ITGAV: variants seen among roughly 807,000 people sequenced by gnomAD.
The protein encoded by ITGAV is integrin subunit alpha V.
ITGAV carries 76 observed loss-of-function variants against 143.8 expected under a neutral mutation model. The observed-to-expected ratio is 0.53, with a 90% confidence interval of 0.44 to 0.64. The LOEUF (loss-of-function observed/expected upper bound fraction) is 0.64, where lower values mean the gene tolerates loss of function less well. ITGAV is among the 30% of genes least tolerant of loss of function. ITGAV has a pLI of 0.00. For synonymous variants in ITGAV, 453 were observed against 446.7 expected (o/e 1.01, Z -0.18); for missense variants, 1,193 against 1,274.7 (o/e 0.94, Z 0.98).
intron 14 of ITGAV, among the ~76,000 whole-genome samples, chr2:186,650,748 C>T (rs61762242): frequency 0.013 from 1,952 of 152,006 alleles, 46 homozygotes; most frequent in African/African-American, 0.043. Flanking sequence ...CAGGGTCTTG[C>T]CATGTTATCT....
intron 2 of ITGAV, among the ~76,000 whole-genome samples, chr2:186,617,863 C>A (rs1204037190): frequency 6.6e-6 from 1 of 151,988 alleles, no homozygotes; most frequent in Non-Finnish European, 1.5e-5. Flanking sequence ...TTGGCTGTTG[C>A]CGGAGAAAGC....
At chr2:186,632,143 C>G (rs1196286740) in intron 5 of ITGAV, among the ~76,000 whole-genome samples, 1 of 151,872 alleles carries the variant, frequency 6.6e-6, no homozygotes, top group Non-Finnish European at 1.5e-5. Context: ...TTTTAATACT[C>G]TAAATTTCAT....
At position 186,641,409 on chromosome 2, in the gene ITGAV, C is replaced by T. The variant is rs765100125; in HGVS notation, c.980C>T (p.Ala327Val). Residue 327 changes from alanine (A) to valine (V), a missense_variant, in exon 12 of 30, where the codon GCA (alanine) becomes GTA (valine). By Grantham distance (64) the Ala-to-Val change is moderately conservative (BLOSUM62 0). Coordinates refer to ENST00000261023, the MANE Select transcript of ITGAV (RefSeq NM_002210.5). ...GDDYADVFIGAPLFMDRGSDG... is the reference protein window; with the variant it reads ...GDDYADVFIGVPLFMDRGSDG... ...AGTTATGCAGATGTGTTTATTGGAG[C>T]ACCTCTCTTCATGGATCGTGGCTCT... The T allele has an allele frequency of 6.2e-7, 1 of 1,614,026 alleles. No individual in the cohort carries two copies. Among genetic ancestry groups the T allele is most frequent in the South Asian group, 1.1e-5 (1 of 91,078 alleles).
In ITGAV at chr2:186,633,631, A is replaced by T. The variant is rs191478837; in HGVS notation, c.631+257A>T. Among the ~76,000 whole-genome samples the T allele has an allele frequency of 1.1e-3, 169 of 151,708 alleles. 1 individual carries two copies. Among genetic ancestry groups the T allele is most frequent in the Middle Eastern group, 3.5e-3 (1 of 286 alleles). ...ATACTTTTATGTTAAATATATTTTA[A>T]AAGTAATTATATAAAGTAATTTATT... is the stretch of plus-strand genomic sequence containing the variant. On this transcript the variant is annotated intron_variant, in intron 6 of 29. Transcript: ENST00000261023.
chr2:186,590,458 G>C lies in ITGAV; in HGVS notation c.120G>C (p.Glu40Asp), dbSNP rs200993212. The C allele has an allele frequency of 1.9e-6, 3 of 1,612,416 alleles. No individual in the cohort carries two copies. Among genetic ancestry groups the C allele is most frequent in the Non-Finnish European group, 2.5e-6 (3 of 1,179,426 alleles). ...ACCTAGACGTGGACAGTCCTGCCGA[G>C]TACTCTGGCCCCGAGGGAAGTTACT... The part of the protein sequence containing the change: ...AFNLDVDSPA[E>D]YSGPEGSYFG... The change falls in exon 1 of 30, where the codon GAG (glutamate) becomes GAC (aspartate). Residue 40 changes from glutamate to aspartate, a missense_variant. Physicochemically the swap from Glu to Asp is conservative, Grantham distance 45 (BLOSUM62 2). Transcript: ENST00000261023.
intron 1 of ITGAV, chr2:186,600,304 C>A: frequency 2.6e-6 from 4 of 1,520,948 alleles, no homozygotes; most frequent in Non-Finnish European, 3.6e-6. Context: ...CTCATCCCCA[C>A]CCCCCACTCC....
At chr2:186,673,732 A>G (rs1000007969) in intron 26 of ITGAV, among the ~76,000 whole-genome samples, 4 of 151,744 alleles carry the variant, frequency 2.6e-5, no homozygotes, top group African/African-American at 9.7e-5. Context: ...CAATGGTGTG[A>G]TCTCGACTCA....
At position 186,669,782 on chromosome 2, in the gene ITGAV, C is replaced by T; in HGVS notation, c.2674C>T (p.Leu892Phe). 1 of 1,613,908 alleles carries T rather than the reference C, an allele frequency of 6.2e-7. No homozygotes were observed. The highest frequency in any genetic ancestry group is 8.5e-7 in the Non-Finnish European group (1 of 1,179,838). ...GGACCATCTCATCACTAAGCGGGAT[C>T]TTGCCCTCAGTGAAGGAGATATTCA... is the stretch of plus-strand genomic sequence containing the variant. ...ERDHLITKRD[L>F]ALSEGDIHTL... is the part of the protein sequence containing the mutation. Residue 892 changes from leucine to phenylalanine, a missense_variant, in exon 26 of 30, where the codon CTT becomes TTT. Physicochemically the swap from Leu to Phe is conservative, Grantham distance 22. Transcript: ENST00000261023.
intron 12 of ITGAV, 26 bp downstream of exon 12, chr2:186,641,614 G>T: frequency 6.3e-7 from 1 of 1,592,436 alleles, no homozygotes. Context: ...AGCAGCTACA[G>T]GTCCCTGATT....
At chr2:186,630,625 G>A (rs1377049276) in intron 4 of ITGAV, among the ~76,000 whole-genome samples, 172 bp from the exon 5 acceptor site, 1 of 152,026 alleles carries the variant, frequency 6.6e-6, no homozygotes, top group Non-Finnish European at 1.5e-5. Flanking sequence ...AAATGGTGCT[G>A]ATAAACATGC....
intron 1 of ITGAV, among the ~76,000 whole-genome samples, chr2:186,591,233 A>T (rs1686607299): frequency 6.6e-6 from 1 of 152,214 alleles, no homozygotes. Context: ...GCTGCAGGTC[A>T]TTTGAATACT....
intron 4 of ITGAV, among the ~76,000 whole-genome samples, chr2:186,628,237 A>G (rs13006571): frequency 0.73 from 111,024 of 152,040 alleles, 40,560 homozygotes; most frequent in East Asian, 0.85. Flanking sequence ...CTGTTTTGTA[A>G]GACTACACTG....
chr2:186,614,780 T>TTA (rs1020855727), intron 2 of ITGAV, among the ~76,000 whole-genome samples: 4 of 151,964 alleles, frequency 2.6e-5, no homozygotes, highest in Admixed American at 2.6e-4. Context: ...AAGTCATTTT[T>TTA]TATATATATA....
At chr2:186,666,872 AGCAGAT>A in intron 22 of ITGAV, 89 bp downstream of exon 22, 6 of 640,100 alleles carry the variant, frequency 9.4e-6, no homozygotes, top group Non-Finnish European at 1.5e-5. Context: ...AATATAAAGT[AGCAGAT>A]TAAATTTTAT....
chr2:186,596,442 G>A (rs1409223144), intron 1 of ITGAV, among the ~76,000 whole-genome samples: 1 of 148,434 alleles, frequency 6.7e-6, no homozygotes, highest in African/African-American at 2.5e-5. Context: ...GTTTTTTGTA[G>A]TATGTGTTGC....
intron 29 of ITGAV, 53 bp downstream of exon 29, chr2:186,676,988 A>C: frequency 1.3e-6 from 2 of 1,564,694 alleles, no homozygotes; most frequent in Non-Finnish European, 8.8e-7. Context: ...GAAAAGGGAA[A>C]GGGAAGAAGG....
chr2:186,617,104 A>G (rs1687387593), intron 2 of ITGAV, among the ~76,000 whole-genome samples: 1 of 151,818 alleles, frequency 6.6e-6, no homozygotes, highest in East Asian at 1.9e-4. Flanking sequence ...AGTCATAGTG[A>G]TAAATAGGAA....
At chr2:186,630,117 G>T (rs972269286) in intron 4 of ITGAV, among the ~76,000 whole-genome samples, 9 of 151,968 alleles carry the variant, frequency 5.9e-5, no homozygotes, top group Admixed American at 5.9e-4. Flanking sequence ...TTTTTGAAGA[G>T]CATTAAGTTC....
chr2:186,655,671 C>G (rs1208476739), intron 16 of ITGAV, among the ~76,000 whole-genome samples: 1 of 152,208 alleles, frequency 6.6e-6, no homozygotes, highest in African/African-American at 2.4e-5. Flanking sequence ...AGGCAGTAAT[C>G]CTAATTGCTA....
Sources: gnomAD v4.1 joint callset for allele counts (sites outside exome capture counted in the v4.1 genomes callset) on GRCh38, gnomAD v4.1.1 for gene constraint, MANE v1.5 for transcripts, NCBI Gene and HGNC (gene_info 2026-07-23, HGNC 2026-07-21) for gene names.